PARVB: variants seen among roughly 807,000 people sequenced by gnomAD.
The protein encoded by PARVB is beta-parvin.
PARVB carries 46 observed loss-of-function variants against 47.0 expected under a neutral mutation model. The observed-to-expected ratio is 0.98, with a 90% CI of 0.77 to 1.25. The LOEUF (loss-of-function observed/expected upper bound fraction) is 1.25, where lower values mean the gene tolerates loss of function less well. Among genes scored for constraint, PARVB ranks in the 50% most tolerant of loss-of-function variants. PARVB has a pLI of 0.00. For missense variants in PARVB, 473 were observed against 471.6 expected, an observed-to-expected ratio of 1.00 and a Z score of -0.03; for synonymous variants, 196 against 196.3, an observed-to-expected ratio of 1.00 and a Z score of 0.01.
At chr22:44,151,777 A>T (rs2053816019) in intron 10 of PARVB, 1 of 511,236 alleles carries the variant, frequency 2.0e-6, no homozygotes, top group Non-Finnish European at 3.6e-6. Flanking sequence ...GAAACAACAG[A>T]CCTTTGTGTC....
intron 2 of PARVB, among the ~76,000 whole-genome samples, chr22:44,006,940 C>A (rs1458646419): frequency 6.6e-6 from 1 of 152,246 alleles, no homozygotes; most frequent in Non-Finnish European, 1.5e-5. Flanking sequence ...TCACCTTCAT[C>A]GCTGAATCTT....
At chr22:44,104,139 C>T (rs2052515784) in intron 3 of PARVB, 1 of 152,218 alleles carries the variant, frequency 6.6e-6, no homozygotes, top group Admixed American at 6.5e-5. Flanking sequence ...CATCCTTGGC[C>T]ATTTCCTGGA....
intron 1 of PARVB, among the ~76,000 whole-genome samples, chr22:44,043,268 G>A (rs1028809829): frequency 1.3e-5 from 2 of 152,190 alleles, no homozygotes; most frequent in Non-Finnish European, 2.9e-5. Flanking sequence ...GACCCCTCAT[G>A]GGTACAGGGA....
chr22:44,120,432 G>A (rs1383701731), intron 4 of PARVB, among the ~76,000 whole-genome samples: 1 of 152,106 alleles, frequency 6.6e-6, no homozygotes, highest in East Asian at 1.9e-4. Flanking sequence ...CTCTTGTCTT[G>A]TAGAATATCC....
chr22:44,109,414 T>C lies in PARVB; in HGVS notation c.273+9291T>C, dbSNP rs1416614792. 6 of 152,392 alleles carry C rather than the reference T, an allele frequency of 3.9e-5. No individual in the cohort carries two copies. In the East Asian group the frequency reaches 1.2e-3, roughly 29 times the overall value. 9.4% of individuals were successfully genotyped at this position (152,392 alleles called of 1,614,324 possible). A position where few individuals can be genotyped will look rare whatever the true frequency, so the allele number is the denominator to read the frequency against. The stretch of plus-strand genomic sequence containing the variant: ...GAGTGGTATGCAAGAGCACAATTAA[T>C]GTATGTCCTAGACATCTGCCCACAG... On this transcript the variant is annotated intron_variant, in intron 3 of 12. Coordinates refer to ENST00000338758, the MANE Select transcript of PARVB (RefSeq NM_013327.5).
rs1345532255 is a variant in PARVB at position 44,113,003 on chromosome 22, G to A, written c.274-6035G>A. Reference sequence around the variant, plus strand: ...ACACAGATACATTGTTACTAACTAAGGCCCTGCACCAGCACAGATACATTG... The same window carrying A: ...ACACAGATACATTGTTACTAACTAAAGCCCTGCACCAGCACAGATACATTG... On this transcript the variant is annotated intron_variant, in intron 3 of 12. Transcript: ENST00000338758. 5 of 77,476 alleles carry A rather than the reference G, an allele frequency of 6.5e-5. 1 individual carries two copies. Among genetic ancestry groups the A allele is most frequent in the Admixed American group, 6.3e-4 (5 of 7,904 alleles). The allele number at this position is 77,476 out of a possible 1,614,324, so 4.8% of individuals were successfully genotyped here.
chr22:44,120,815 A>G (rs992757306), intron 4 of PARVB, among the ~76,000 whole-genome samples: 1 of 150,904 alleles, frequency 6.6e-6, no homozygotes, highest in African/African-American at 2.4e-5. Context: ...AGCTAGGACT[A>G]CAGATGTGTA....
intron 2 of PARVB, among the ~76,000 whole-genome samples, chr22:44,098,417 T>C (rs761658973): frequency 3.3e-5 from 5 of 152,032 alleles, no homozygotes; most frequent in Non-Finnish European, 7.4e-5. Flanking sequence ...GAAGGAAACA[T>C]GGGCCAGGGA....
chr22:44,078,781 A>C (rs2051833464), intron 1 of PARVB, among the ~76,000 whole-genome samples: 1 of 152,066 alleles, frequency 6.6e-6, no homozygotes, highest in Non-Finnish European at 1.5e-5. Flanking sequence ...CTGGAGTGCA[A>C]TGGCGAGATC....
intron 1 of PARVB, among the ~76,000 whole-genome samples, chr22:44,061,960 C>T (rs1025148823): frequency 6.6e-6 from 1 of 152,132 alleles, no homozygotes; most frequent in African/African-American, 2.4e-5. Context: ...GAATGTAGGC[C>T]AAGAGTATTG....
At chr22:44,131,413 A>G in intron 4 of PARVB, 74 bp from the exon 5 acceptor site, 2 of 1,538,472 alleles carry the variant, frequency 1.3e-6, no homozygotes, top group Non-Finnish European at 1.8e-6. Context: ...AACTGCTGGG[A>G]TTACAGGCAT....
chr22:44,028,663 A>G (rs113262831), intron 1 of PARVB, among the ~76,000 whole-genome samples: 15 of 152,322 alleles, frequency 9.8e-5, no homozygotes, highest in African/African-American at 3.6e-4. Context: ...TTTGAGCTCA[A>G]TTGCTGGATC....
At position 44,119,023 on chromosome 22, in the gene PARVB, C is replaced by T; in HGVS notation, c.274-15C>T. 1 of 1,592,514 alleles carries T rather than the reference C, an allele frequency of 6.3e-7. No homozygotes were observed. Among genetic ancestry groups the T allele is most frequent in the East Asian group, 2.2e-5 (1 of 44,782 alleles). ...CGCTGGTGGACTGAGGCCATAATGC[C>T]TGCGTCTCCTGCAGGTCCTCCTCGA... On this transcript the variant is annotated splice_polypyrimidine_tract_variant and intron_variant, in intron 3 of 12. Transcript: ENST00000338758.
intron 3 of PARVB, among the ~76,000 whole-genome samples, chr22:44,100,449 G>A (rs145367555): frequency 3.9e-5 from 6 of 152,132 alleles, no homozygotes; most frequent in Non-Finnish European, 8.8e-5. Context: ...TACAGATGGA[G>A]TTGGAACTCC....
chr22:44,020,447 C>G (rs1163669853), upstream of PARVB, among the ~76,000 whole-genome samples: 1 of 152,154 alleles, frequency 6.6e-6, no homozygotes, highest in Non-Finnish European at 1.5e-5. Context: ...GTGTTGGGCT[C>G]TCAGGCATGA....
intron 1 of PARVB, among the ~76,000 whole-genome samples, chr22:44,024,993 G>A (rs182891359): frequency 1.3e-5 from 2 of 152,118 alleles, no homozygotes; most frequent in South Asian, 2.1e-4. Flanking sequence ...TTTTTACTGC[G>A]TGTGCTCACG....
intron 10 of PARVB, among the ~76,000 whole-genome samples, chr22:44,157,154 A>G (rs2053953303): frequency 6.6e-6 from 1 of 152,224 alleles, no homozygotes; most frequent in South Asian, 2.1e-4. Context: ...CCCCTGGAGA[A>G]TGGGGCCACA....
At chr22:44,016,428 C>A (rs1029456539) in intron 2 of PARVB, among the ~76,000 whole-genome samples, 5 of 152,146 alleles carry the variant, frequency 3.3e-5, no homozygotes, top group Non-Finnish European at 7.3e-5. Context: ...AACTTCCACT[C>A]TAAACCTCAC....
chr22:44,022,047 A>G (rs74427758), upstream of PARVB, among the ~76,000 whole-genome samples: 5,633 of 152,150 alleles, frequency 0.037, 211 homozygotes, highest in South Asian at 0.16. Flanking sequence ...GTCATCTTGG[A>G]TTACAGCCCA....
Sources: allele counts gnomAD v4.1 joint callset (sites outside exome capture counted in the v4.1 genomes callset), GRCh38; gene constraint gnomAD v4.1.1; transcripts MANE v1.5; gene names NCBI Gene and HGNC (gene_info 2026-07-23, HGNC 2026-07-21).